Variants in VPS45 observed in about 807,000 individuals in gnomAD.
VPS45 encodes the protein vacuolar protein sorting-associated protein 45.
Under a neutral mutation model 75.9 loss-of-function variants are expected in VPS45, and 35 were observed. That is an observed-to-expected ratio of 0.46 (90% CI 0.35 to 0.61). The LOEUF is 0.61. VPS45 is among the 20% of genes least tolerant of loss of function. The pLI is 0.00. For missense variants in VPS45, 559 were observed against 685.9 expected (o/e 0.81, Z 2.07); for synonymous variants, 220 against 238.2 (o/e 0.92, Z 0.70).
At chr1:150,069,999 T>G (rs1171783687) in intron 2 of VPS45, among the ~76,000 whole-genome samples, 3 of 152,128 alleles carry the variant, frequency 2.0e-5, no homozygotes, top group African/African-American at 7.2e-5. Context: ...GCACTCTGCA[T>G]CTTAATCACC....
At chr1:150,131,117 A>G (rs1658809523) in intron 14 of VPS45, among the ~76,000 whole-genome samples, 1 of 152,146 alleles carries the variant, frequency 6.6e-6, no homozygotes, top group South Asian at 2.1e-4. Flanking sequence ...GGCCAGAAAA[A>G]TTTTATTATA....
intron 13 of VPS45, chr1:150,099,064 T>A: frequency 1.8e-6 from 2 of 1,090,270 alleles, no homozygotes; most frequent in Non-Finnish European, 2.2e-6. Context: ...TAAATGCTCA[T>A]AAGAACTGTA....
chr1:150,104,833 T>C (rs1301355708), intron 13 of VPS45, among the ~76,000 whole-genome samples: 1 of 152,220 alleles, frequency 6.6e-6, no homozygotes, highest in East Asian at 1.9e-4. Flanking sequence ...GCTCAAGCGA[T>C]CCACCTGCCT....
Position 150,117,898 on chromosome 1 carries a change from A to G in VPS45, c.1625+7271A>G, listed in dbSNP as rs138588954. Among the ~76,000 whole-genome samples the G allele has an allele frequency of 6.7e-3, 1,010 of 151,758 alleles. 6 individuals carry two copies. The highest frequency in any genetic ancestry group is 0.014 in the South Asian group (68 of 4,800). ...AAGTTGGATTTAGATAGAAAGATAG[A>G]TTAGTAAAGATTTTTTATATGTCTT... On this transcript the variant is annotated intron_variant, in intron 14 of 14. Coordinates refer to ENST00000644510, the MANE Select transcript of VPS45 (RefSeq NM_007259.5).
chr1:150,110,504 A>G lies in VPS45; in HGVS notation c.1502A>G (p.Asp501Gly). 3 of 1,612,682 alleles carry G rather than the reference A, an allele frequency of 1.9e-6. No individual in the cohort carries two copies. Among genetic ancestry groups the G allele is most frequent in the Non-Finnish European group, 2.5e-6 (3 of 1,179,362 alleles). ...GPSTLRDRPQ[D>G]IIVFVIGGAT... ...ATTCTTCATTATTGCAGACCTCAGG[A>G]TATCATTGTGTTTGTAATTGGAGGA... The change falls in exon 14 of 15, where the codon GAT (aspartate) becomes GGT (glycine). Residue 501 changes from aspartate to glycine, a missense_variant. Asp to Gly is a moderately conservative substitution (Grantham distance 94). Transcript: ENST00000644510.
intron 13 of VPS45, among the ~76,000 whole-genome samples, chr1:150,095,977 G>A (rs1215027991): frequency 6.6e-6 from 1 of 152,204 alleles, no homozygotes; most frequent in African/African-American, 2.4e-5. Flanking sequence ...GATGAATGCA[G>A]TAGTCCAGGT....
chr1:150,135,384 T>C (rs1206907717), intron 14 of VPS45, among the ~76,000 whole-genome samples: 1 of 151,920 alleles, frequency 6.6e-6, no homozygotes, highest in Non-Finnish European at 1.5e-5. Flanking sequence ...AGCCTTAGCC[T>C]CCCCAATAGC....
chr1:150,067,737 G>A (rs1288577907), upstream of VPS45: 4 of 919,356 alleles, frequency 4.4e-6, no homozygotes, highest in Non-Finnish European at 6.9e-6. Context: ...TGGCTGCCCG[G>A]ACTCCCGGAA....
chr1:150,083,759 C>G (rs1655856045), intron 10 of VPS45, among the ~76,000 whole-genome samples: 1 of 150,512 alleles, frequency 6.6e-6, no homozygotes, highest in South Asian at 2.1e-4. Context: ...TGTGGCTAGT[C>G]CAGGGTACAA....
chr1:150,128,666 G>T (rs1370712608), intron 14 of VPS45, among the ~76,000 whole-genome samples: 7 of 152,106 alleles, frequency 4.6e-5, no homozygotes, highest in Admixed American at 2.0e-4. Flanking sequence ...CAAAGAGGCA[G>T]GAACCCAGAG....
chr1:150,105,246 A>G (rs1657256196), intron 13 of VPS45, among the ~76,000 whole-genome samples: 1 of 152,208 alleles, frequency 6.6e-6, no homozygotes, highest in African/African-American at 2.4e-5. Context: ...CACTGGTCCT[A>G]TTCAACATAC....
chr1:150,126,992 C>T (rs1254461445), intron 14 of VPS45, among the ~76,000 whole-genome samples: 2 of 152,172 alleles, frequency 1.3e-5, no homozygotes, highest in African/African-American at 4.8e-5. Context: ...CCCAGAACCA[C>T]CTGATGTCAA....
At position 150,144,793 on chromosome 1, in the gene VPS45, A is replaced by G; in HGVS notation, c.1710A>G (p.Arg570=). The change falls in exon 15 of 15, where the codon AGA becomes AGG. Residue 570 remains arginine, a synonymous_variant. Coordinates refer to ENST00000644510, the MANE Select transcript of VPS45 (RefSeq NM_007259.5). ...SQVTSRSASR[R] is the part of the protein sequence containing the mutation. ...TCACATCAAGGTCAGCGAGCAGAAG[A>G]TGAAACGGTGGTTGGGGGAAGGGCA... 1.2e-6 allele frequency: 2 copies of G among 1,614,144 alleles called. No individual in the cohort carries two copies. The highest frequency in any genetic ancestry group is 1.7e-6 in the Non-Finnish European group (2 of 1,180,026).
chr1:150,117,988 T>A (rs1281870253), intron 14 of VPS45, among the ~76,000 whole-genome samples: 1 of 152,096 alleles, frequency 6.6e-6, no homozygotes, highest in Non-Finnish European at 1.5e-5. Context: ...TTAATAGTGC[T>A]ATGGGCTGGG....
At chr1:150,082,988 C>A in intron 10 of VPS45, 105 bp downstream of exon 10, 2 of 1,131,398 alleles carry the variant, frequency 1.8e-6, no homozygotes, top group Non-Finnish European at 2.5e-6. Flanking sequence ...GAATTTAGTC[C>A]AACAAGGAGC....
intron 14 of VPS45, among the ~76,000 whole-genome samples, chr1:150,112,173 T>C (rs587619055): frequency 6.6e-6 from 1 of 152,120 alleles, no homozygotes; most frequent in Non-Finnish European, 1.5e-5. Context: ...ATAATTTTTT[T>C]AATTCTATTT....
Position 150,069,718 on chromosome 1 carries a change from A to T in VPS45, c.228+954A>T, listed in dbSNP as rs146116558. Among the ~76,000 whole-genome samples, 268 of 152,192 alleles carry T rather than the reference A, an allele frequency of 1.8e-3. 1 individual carries two copies. Among genetic ancestry groups the T allele is most frequent in the African/African-American group, 6.1e-3 (255 of 41,510 alleles). On this transcript the variant is annotated intron_variant, in intron 2 of 14. Coordinates refer to ENST00000644510, the MANE Select transcript of VPS45 (RefSeq NM_007259.5). ...TGATCCGCCCGCCTTGGCCTCCCAAAGTGCTGGGATTACAGGCGGGAGCCA... is the reference window on the plus strand; with the variant it reads ...TGATCCGCCCGCCTTGGCCTCCCAATGTGCTGGGATTACAGGCGGGAGCCA...
chr1:150,098,611 A>C (rs923303199), intron 13 of VPS45, among the ~76,000 whole-genome samples: 5 of 152,224 alleles, frequency 3.3e-5, no homozygotes, highest in African/African-American at 1.2e-4. Flanking sequence ...TTGTCTCATC[A>C]TAATAGAAAT....
At chr1:150,074,108 G>A (rs587673893) in intron 3 of VPS45, among the ~76,000 whole-genome samples, 6 of 150,634 alleles carry the variant, frequency 4.0e-5, no homozygotes, top group African/African-American at 4.9e-5. Flanking sequence ...TCCACCTCCC[G>A]GGTTCAAGCG....
Sources: allele counts gnomAD v4.1 joint callset (sites outside exome capture counted in the v4.1 genomes callset), GRCh38; gene constraint gnomAD v4.1.1; transcripts MANE v1.5; gene names NCBI Gene and HGNC (gene_info 2026-07-23, HGNC 2026-07-21).